Variants in HSP90AA1 observed in about 807,000 individuals in gnomAD.
HSP90AA1 encodes the protein heat shock protein HSP 90-alpha.
HSP90AA1 carries 18 observed loss-of-function variants against 73.3 expected under a neutral mutation model. The ratio of observed to expected loss-of-function variants is 0.25; its 90% CI spans 0.17 to 0.36. The LOEUF (loss-of-function observed/expected upper bound fraction) is 0.36, where lower values mean the gene tolerates loss of function less well. Among genes scored for constraint, HSP90AA1 ranks in the 10% least tolerant of loss-of-function variants. The pLI, the probability that HSP90AA1 is intolerant of heterozygous loss-of-function variation, is 1.00. For synonymous variants in HSP90AA1, 477 were observed against 296.9 expected (o/e 1.61, Z -6.24); for missense variants, 704 against 874.2 (o/e 0.81, Z 2.45).
In HSP90AA1 at chr14:102,082,076, ATTTTCT is replaced by A. The variant is rs774993685; in HGVS notation, c.2089+29_2089+34del. On this transcript the variant is annotated intron_variant, in intron 10 of 10. Transcript: ENST00000216281. ...ATTTTCTTCAATGTCACGTGTGTTT[ATTTTCT>A]TTTTAACATTACATAGTATAAGGCT... The A allele has an allele frequency of 2.0e-5, 28 of 1,404,028 alleles. No homozygotes were observed. The African/African-American group carries it at 3.7e-4, about 18-fold the overall frequency. 87.0% of individuals were successfully genotyped at this position (1,404,028 alleles called of 1,614,324 possible). A position where few individuals can be genotyped will look rare whatever the true frequency, so the allele number is the denominator to read the frequency against.
chr14:102,123,459 C>G (rs1473093483), intron 1 of HSP90AA1, among the ~76,000 whole-genome samples: 1 of 151,786 alleles, frequency 6.6e-6, no homozygotes, highest in Non-Finnish European at 1.5e-5. Context: ...GTCTTGTTAC[C>G]TAAGAATGAG....
chr14:102,132,927 TCCAG>T (rs1360700352), intron 1 of HSP90AA1, among the ~76,000 whole-genome samples: 1 of 149,228 alleles, frequency 6.7e-6, no homozygotes, highest in Non-Finnish European at 1.5e-5. Flanking sequence ...GCCACTGCAC[TCCAG>T]CCTGGGCCAC....
intron 1 of HSP90AA1, among the ~76,000 whole-genome samples, chr14:102,123,382 G>C (rs768143457): frequency 1.1e-4 from 17 of 151,542 alleles, no homozygotes; most frequent in Non-Finnish European, 2.4e-4. Flanking sequence ...AGCGAGACTC[G>C]GTCTAAAAAA....
chr14:102,084,195 T>C, intron 6 of HSP90AA1: 1 of 672,554 alleles, frequency 1.5e-6, no homozygotes, highest in Non-Finnish European at 2.6e-6. Context: ...TGCCTCAGCC[T>C]GCCACTACAT....
intron 2 of HSP90AA1, among the ~76,000 whole-genome samples, chr14:102,093,959 T>C (rs1352133543): frequency 1.5e-4 from 22 of 146,658 alleles, no homozygotes. Flanking sequence ...GAGTCTTTTT[T>C]CTTTTTTCAA....
intron 1 of HSP90AA1, among the ~76,000 whole-genome samples, chr14:102,137,398 T>C (rs1454875283): frequency 6.6e-6 from 1 of 151,856 alleles, no homozygotes; most frequent in Non-Finnish European, 1.5e-5. Context: ...CCATCTCGGC[T>C]CATTGCAACC....
intron 1 of HSP90AA1, among the ~76,000 whole-genome samples, chr14:102,120,305 G>C (rs1006801998): frequency 6.6e-6 from 1 of 152,150 alleles, no homozygotes; most frequent in Non-Finnish European, 1.5e-5. Flanking sequence ...GGTACAGTGA[G>C]CTGTGATCAT....
In HSP90AA1 at chr14:102,098,254, C is replaced by T. The variant is rs993041113; in HGVS notation, c.366+3621G>A. ...TCGGCTCACTACAACCTCCGCCTCCCGGGTTCAAGCGATTCTCCTGCCTCA... is the reference window on the plus strand; with the variant it reads ...TCGGCTCACTACAACCTCCGCCTCCTGGGTTCAAGCGATTCTCCTGCCTCA... On this transcript the variant is annotated intron_variant, in intron 2 of 11. Transcript: ENST00000334701. 4.6e-5 allele frequency among the ~76,000 whole-genome samples: 7 copies of T among 151,738 alleles called. No individual in the cohort carries two copies. In the South Asian group the frequency reaches 8.3e-4, roughly 18 times the overall value.
intron 1 of HSP90AA1, 107 bp downstream of exon 1, chr14:102,086,878 TG>T: frequency 1.6e-6 from 1 of 628,232 alleles, no homozygotes; most frequent in Non-Finnish European, 2.0e-6. Context: ...AGCGCGGCCC[TG>T]GCTGCTTCAG....
Position 102,084,550 on chromosome 14 carries a change from T to C in HSP90AA1, c.996A>G (p.Glu332=), listed in dbSNP as rs773173897. ...DHLAVKHFSV[E]GQLEFRALLF... The stretch of plus-strand genomic sequence containing the variant: ...GAAGGGCTCTGAATTCCAACTGTCC[T>C]TCAACTGAAAAATGCTGTAATAAAA... Residue 332 remains glutamate (E), a synonymous_variant, in exon 6 of 11, where the codon GAA becomes GAG. Coordinates refer to ENST00000216281, the MANE Select transcript of HSP90AA1 (RefSeq NM_005348.4). 15 of 1,614,070 alleles carry C rather than the reference T, an allele frequency of 9.3e-6. No individual in the cohort carries two copies. The highest frequency in any genetic ancestry group is 1.2e-5 in the Non-Finnish European group (14 of 1,180,036).
rs546530641 is a variant in HSP90AA1 at position 102,103,076 on chromosome 14, G to A, written c.156-991C>T. 5.9e-4 allele frequency among the ~76,000 whole-genome samples: 89 copies of A among 151,352 alleles called. 1 individual carries two copies. Among genetic ancestry groups the A allele is most frequent in the African/African-American group, 2.1e-3 (86 of 41,228 alleles). ...CATGCCTGTAATCCCACCTACTCAG[G>A]AGGCTGAGGCACAAGGATCACTTGA... On this transcript the variant is annotated intron_variant, in intron 1 of 11. Coordinates refer to the HSP90AA1 transcript ENST00000334701.
rs770703941 is a variant in HSP90AA1, at chr14:102,086,265, G to A, written c.114C>T (p.Tyr38=). The part of the protein sequence containing the change: ...QLMSLIINTF[Y]SNKEIFLREL... Reference sequence around the variant, plus strand: ...CTCTCAGAAAGATCTCTTTGTTCGAGTAGAAAGTATTGATGATCAATGACA... The same window carrying A: ...CTCTCAGAAAGATCTCTTTGTTCGAATAGAAAGTATTGATGATCAATGACA... The change falls in exon 2 of 11, where the codon TAC becomes TAT. Residue 38 remains tyrosine, a synonymous_variant. Transcript: ENST00000216281. 20 of 1,614,018 alleles carry A rather than the reference G, an allele frequency of 1.2e-5. No homozygotes were observed. The highest frequency in any genetic ancestry group is 5.3e-5 in the African/African-American group (4 of 74,918).
chr14:102,136,686 A>G (rs1441966531), intron 1 of HSP90AA1, among the ~76,000 whole-genome samples: 36 of 145,392 alleles, frequency 2.5e-4, no homozygotes, highest in South Asian at 8.8e-4. Flanking sequence ...TCAGGAGTTC[A>G]AGACCAGCCT....
intron 1 of HSP90AA1, among the ~76,000 whole-genome samples, chr14:102,131,403 G>A (rs190206893): frequency 6.6e-6 from 1 of 152,056 alleles, no homozygotes; most frequent in African/African-American, 2.4e-5. Context: ...CCTGTGGCCT[G>A]GATTACTACA....
chr14:102,133,772 G>A (rs1372024888), intron 1 of HSP90AA1, among the ~76,000 whole-genome samples: 2 of 151,946 alleles, frequency 1.3e-5, no homozygotes, highest in Non-Finnish European at 2.9e-5. Context: ...CATGAGCCAC[G>A]GCGCCCAGCC....
At chr14:102,093,002 C>G (rs2049377937) in intron 2 of HSP90AA1, among the ~76,000 whole-genome samples, 1 of 152,076 alleles carries the variant, frequency 6.6e-6, no homozygotes, top group Non-Finnish European at 1.5e-5. Flanking sequence ...GCCTCGGCCT[C>G]CCAAAATGCT....
At chr14:102,123,564 T>C (rs567599799) in intron 1 of HSP90AA1, among the ~76,000 whole-genome samples, 2 of 151,724 alleles carry the variant, frequency 1.3e-5, no homozygotes, top group East Asian at 3.9e-4. Flanking sequence ...TTTTAAGAGA[T>C]TGCATCTCAC....
rs566498574 is a variant in HSP90AA1 at position 102,086,223 on chromosome 14, T to C, written c.156A>G (p.Ser52=). 73 of 1,614,202 alleles carry C rather than the reference T, an allele frequency of 4.5e-5. 1 individual carries two copies. The South Asian group carries it at 5.2e-4, about 11-fold the overall frequency. ...GGGTTAATAAGTGACTTACATCTGA[T>C]GAATTTGAAATGAGCTCTCTCAGAA... ...EIFLRELISN[S]SDALDKIRYE... is the part of the protein sequence containing the mutation. Residue 52 remains serine, a synonymous_variant, in exon 2 of 11, where the codon TCA becomes TCG. Coordinates refer to ENST00000216281, the MANE Select transcript of HSP90AA1 (RefSeq NM_005348.4).
intron 4 of HSP90AA1, 126 bp from the exon 5 acceptor site, chr14:102,085,124 T>C (rs890639953): frequency 2.0e-6 from 3 of 1,530,436 alleles, no homozygotes; most frequent in Middle Eastern, 1.7e-4. Context: ...CAGCTTTTCA[T>C]CAATATTTGA....
Sources: allele counts gnomAD v4.1 joint callset (sites outside exome capture counted in the v4.1 genomes callset), GRCh38; gene constraint gnomAD v4.1.1; transcripts MANE v1.5; gene names NCBI Gene and HGNC (gene_info 2026-07-23, HGNC 2026-07-21).